The following ATP8B1 variants were observed in gnomAD, a reference collection of about 807,000 sequenced individuals.
ATP8B1 encodes the protein ATPase phospholipid transporting 8B1.
In ATP8B1, 80 loss-of-function variants were observed where a neutral mutation model predicts 149.9. The ratio of observed to expected loss-of-function variants is 0.53; its 90% confidence interval spans 0.45 to 0.64. The LOEUF (loss-of-function observed/expected upper bound fraction) is 0.64, where lower values mean the gene tolerates loss of function less well. Among genes scored for constraint, ATP8B1 ranks in the 30% least tolerant of loss-of-function variants. The pLI is 0.00. For synonymous variants in ATP8B1, 536 were observed against 562.8 expected (o/e 0.95, Z 0.67); for missense variants, 1,247 against 1,552.6 (o/e 0.80, Z 3.31).
At chr18:57,691,608 T>C (rs372174240) in intron 12 of ATP8B1, among the ~76,000 whole-genome samples, 199 bp downstream of exon 12, 6 of 152,192 alleles carry the variant, frequency 3.9e-5, no homozygotes, top group East Asian at 1.9e-4. Context: ...CAGGATGAGA[T>C]AAAAGGTGCC....
Position 57,802,800 on chromosome 18 carries a change from C to G in ATP8B1, c.-26+198G>C, listed in dbSNP as rs958824003. Among the ~76,000 whole-genome samples, 1 of 152,228 alleles carries G rather than the reference C, an allele frequency of 6.6e-6. No individual in the cohort carries two copies. The highest frequency in any genetic ancestry group is 2.4e-5 in the African/African-American group (1 of 41,468). ...CCCAGCCGGCCGTGTCTCGCCGTCC[C>G]CGAGGCCTCGGGGGCTCCCAGCACC... On this transcript the variant is annotated intron_variant, in intron 1 of 27. Coordinates refer to ENST00000648908, the MANE Select transcript of ATP8B1 (RefSeq NM_001374385.1). The surrounding 1 kb of genome is among the most constrained non-coding windows in gnomAD (Gnocchi z 4.9).
At chr18:57,666,264 G>A (rs1036997965) in intron 20 of ATP8B1, among the ~76,000 whole-genome samples, 3 of 152,018 alleles carry the variant, frequency 2.0e-5, no homozygotes, top group East Asian at 3.9e-4. Context: ...GGTCTGCTGC[G>A]ACTCTGATTC....
intron 2 of ATP8B1, among the ~76,000 whole-genome samples, chr18:57,710,226 T>A (rs995668184): frequency 1.3e-4 from 20 of 152,206 alleles, no homozygotes; most frequent in African/African-American, 4.3e-4. Context: ...TATGGCCCTT[T>A]AGCTAAAAGC....
intron 1 of ATP8B1, among the ~76,000 whole-genome samples, chr18:57,770,803 C>T (rs28417434): frequency 1.2e-3 from 189 of 152,366 alleles, no homozygotes; most frequent in African/African-American, 4.3e-3. Context: ...AAGGACAGAA[C>T]AGCAAAGGGA....
chr18:57,673,731 G>A (rs1280243789), intron 16 of ATP8B1, among the ~76,000 whole-genome samples: 1 of 151,698 alleles, frequency 6.6e-6, no homozygotes, highest in African/African-American at 2.4e-5. Context: ...GTTAACAATT[G>A]GTGGATATGG....
At chr18:57,753,819 T>C (rs933644579) in intron 1 of ATP8B1, among the ~76,000 whole-genome samples, 1 of 151,198 alleles carries the variant, frequency 6.6e-6, no homozygotes, top group African/African-American at 2.4e-5. Context: ...TCCCAGCTAC[T>C]TGGGAGGCTG....
chr18:57,743,012 C>T (rs1242262013), intron 1 of ATP8B1, among the ~76,000 whole-genome samples: 1 of 152,098 alleles, frequency 6.6e-6, no homozygotes, highest in East Asian at 1.9e-4. Context: ...ACAGCATTTC[C>T]TAGTAATATT....
At chr18:57,656,446 C>T (rs1000024405) in intron 22 of ATP8B1, among the ~76,000 whole-genome samples, 8 of 148,998 alleles carry the variant, frequency 5.4e-5, no homozygotes, top group Admixed American at 2.0e-4. Flanking sequence ...AGTGCAATGG[C>T]GCAGTCTTGG....
chr18:57,704,019 T>G (rs1310020584), intron 4 of ATP8B1, among the ~76,000 whole-genome samples: 2 of 152,046 alleles, frequency 1.3e-5, no homozygotes, highest in South Asian at 2.1e-4. Flanking sequence ...CAAGCTGGAG[T>G]GCAATGGTGT....
chr18:57,796,571 A>C (rs746740531), intron 1 of ATP8B1, among the ~76,000 whole-genome samples: 10 of 152,228 alleles, frequency 6.6e-5, no homozygotes, highest in Non-Finnish European at 1.2e-4. Context: ...TAATTTTTCA[A>C]TATAAAGATA....
In ATP8B1 at chr18:57,786,482, C is replaced by G. The variant is rs1164437673; in HGVS notation, c.-26+16516G>C. Reference sequence around the variant, plus strand: ...TGAGTCAGTGACTCTAGAGTGCAGCCCCCAGTCATGCTGATGTTGCTGGTC... The same window carrying G: ...TGAGTCAGTGACTCTAGAGTGCAGCGCCCAGTCATGCTGATGTTGCTGGTC... On this transcript the variant is annotated intron_variant, in intron 1 of 27. Coordinates refer to ENST00000648908, the MANE Select transcript of ATP8B1 (RefSeq NM_001374385.1). Among the ~76,000 whole-genome samples the G allele has an allele frequency of 2.0e-5, 3 of 152,254 alleles. No homozygotes were observed. The East Asian group carries it at 5.8e-4, about 29-fold the overall frequency.
chr18:57,655,551 C>T (rs1909943155), intron 22 of ATP8B1, 134 bp from the exon 23 acceptor site: 4 of 779,208 alleles, frequency 5.1e-6, no homozygotes, highest in African/African-American at 1.7e-5. Context: ...GAAGCTCTTG[C>T]TCACCATCCC....
At chr18:57,723,878 C>T (rs1394643485) in intron 2 of ATP8B1, among the ~76,000 whole-genome samples, 1 of 149,626 alleles carries the variant, frequency 6.7e-6, no homozygotes, top group Non-Finnish European at 1.5e-5. Context: ...ACCAAAACAG[C>T]ATGGTACTGG....
In ATP8B1 at chr18:57,688,299, CATATAT is replaced by C; in HGVS notation, c.1423_1428del (p.Ile475_Tyr476del). 6.2e-7 allele frequency: 1 copy of C among 1,613,870 alleles called. No homozygotes were observed. The highest frequency in any genetic ancestry group is 8.5e-7 in the Non-Finnish European group (1 of 1,179,854). ...AAAATGAGTGACGGCTTCCACTTAC[CATATAT>C]CTGCCCGTTGATACAGCACTTTTTA... is the stretch of plus-strand genomic sequence containing the variant. On this transcript the variant is annotated inframe_deletion and splice_region_variant, in exon 13 of 28. Transcript: ENST00000648908.
intron 19 of ATP8B1, 83 bp from the exon 20 acceptor site, chr18:57,667,250 T>C: frequency 8.9e-7 from 1 of 1,118,738 alleles, no homozygotes; most frequent in Non-Finnish European, 1.3e-6. Context: ...AGCATCTCAC[T>C]CCCACTGCCT....
At chr18:57,701,415 C>T (rs760558662) in intron 4 of ATP8B1, 102 bp from the exon 5 acceptor site, 13 of 995,568 alleles carry the variant, frequency 1.3e-5, no homozygotes, top group East Asian at 7.5e-5. Flanking sequence ...GTCTCATCAC[C>T]GTCATCACAT....
intron 1 of ATP8B1, among the ~76,000 whole-genome samples, chr18:57,761,483 T>C (rs1378623146): frequency 6.6e-6 from 1 of 152,066 alleles, no homozygotes; most frequent in Admixed American, 6.5e-5. Flanking sequence ...TGGCCACACA[T>C]CAGAATCCCA....
intron 20 of ATP8B1, among the ~76,000 whole-genome samples, chr18:57,666,549 T>A (rs1599089769): frequency 8.1e-6 from 1 of 123,834 alleles, no homozygotes; most frequent in South Asian, 2.7e-4. Flanking sequence ...TTTTTTTTTT[T>A]AATGAGACAG....
chr18:57,776,190 T>A (rs1388891085), intron 1 of ATP8B1, among the ~76,000 whole-genome samples: 2 of 152,148 alleles, frequency 1.3e-5, no homozygotes, highest in Non-Finnish European at 2.9e-5. Flanking sequence ...GATGATTCAA[T>A]TCCATTTGGA....
Sources: gnomAD v4.1 joint callset for allele counts (sites outside exome capture counted in the v4.1 genomes callset) on GRCh38, gnomAD v4.1.1 for gene constraint, Gnocchi (gnomAD v3.1) non-coding constraint, MANE v1.5 for transcripts, NCBI Gene and HGNC (gene_info 2026-07-23, HGNC 2026-07-21) for gene names.